The following CSMD2 variants were observed in gnomAD, a reference collection of about 807,000 sequenced individuals.
CSMD2 encodes the protein CUB and sushi domain-containing protein 2.
CSMD2 carries 130 observed loss-of-function variants against 398.5 expected under a neutral mutation model. The observed-to-expected ratio is 0.33, with a 90% CI of 0.28 to 0.38. The LOEUF (loss-of-function observed/expected upper bound fraction) is 0.38. Ranked by LOEUF, CSMD2 falls within the 10% of genes least tolerant of loss-of-function variation. The pLI, the probability that CSMD2 is intolerant of heterozygous loss-of-function variation, is 1.00. For synonymous variants in CSMD2, 1,828 were observed against 1,908.5 expected (o/e 0.96, Z 1.10); for missense variants, 3,829 against 4,764.9 (o/e 0.80, Z 5.78).
Position 33,820,565 on chromosome 1 carries a change from C to CAAAAAAAAAAAA in CSMD2, c.1112-21_1112-10dup, listed in dbSNP as rs753962666. On this transcript the variant is annotated splice_polypyrimidine_tract_variant and intron_variant, in intron 7 of 70. Coordinates refer to ENST00000373381, the MANE Select transcript of CSMD2 (RefSeq NM_001281956.2). ...CACACCAACCTGAGTTACTACAAGG[C>CAAAAAAAAAAAA]AAAAAAAAAAAAAAAAAAAAAAACA... 5.4e-5 allele frequency: 24 copies of CAAAAAAAAAAAA among 444,394 alleles called. No individual in the cohort carries two copies. The highest frequency in any genetic ancestry group is 2.8e-4 in the South Asian group (9 of 32,314). 27.5% of individuals were successfully genotyped at this position (444,394 alleles called of 1,614,324 possible).
At chr1:33,783,634 G>C (rs1468607013) in intron 12 of CSMD2, among the ~76,000 whole-genome samples, 1 of 152,158 alleles carries the variant, frequency 6.6e-6, no homozygotes, top group Non-Finnish European at 1.5e-5. Context: ...GTGCTGTTCT[G>C]CCTTCTCTAG....
intron 25 of CSMD2, among the ~76,000 whole-genome samples, chr1:33,663,406 C>A (rs1644205693): frequency 6.6e-6 from 1 of 152,056 alleles, no homozygotes; most frequent in Non-Finnish European, 1.5e-5. Context: ...AGCCCGCAGA[C>A]CTCTCCCTGA....
At chr1:34,013,121 G>A (rs1159880327) in intron 3 of CSMD2, among the ~76,000 whole-genome samples, 2 of 152,356 alleles carry the variant, frequency 1.3e-5, no homozygotes, top group South Asian at 2.1e-4. Context: ...TGAGATGGGA[G>A]CTGAGGGCAG....
intron 1 of CSMD2, among the ~76,000 whole-genome samples, chr1:34,089,860 A>C (rs993734286): frequency 3.3e-5 from 5 of 152,144 alleles, no homozygotes; most frequent in African/African-American, 1.2e-4. Flanking sequence ...TCTATCGTTA[A>C]GAAAAAAATT....
Position 33,766,754 on chromosome 1 carries a change from A to T in CSMD2, c.1846+5815T>A, listed in dbSNP as rs538053826. Reference sequence around the variant, plus strand: ...AGTGAAGCTAACAAAGTTTACAAGCAATATATATGTGACCTAAACGAGAAA... The same window carrying T: ...AGTGAAGCTAACAAAGTTTACAAGCTATATATATGTGACCTAAACGAGAAA... On this transcript the variant is annotated intron_variant, in intron 13 of 70. Transcript: ENST00000373381. Among the ~76,000 whole-genome samples, 11 of 152,358 alleles carry T rather than the reference A, an allele frequency of 7.2e-5. No homozygotes were observed. The South Asian group carries it at 2.1e-3, about 29-fold the overall frequency.
At chr1:33,854,128 C>T (rs977865694) in intron 5 of CSMD2, among the ~76,000 whole-genome samples, 16 of 152,194 alleles carry the variant, frequency 1.1e-4, no homozygotes, top group Non-Finnish European at 2.1e-4. Flanking sequence ...GGTGTATCAG[C>T]CCCTGGCTCA....
intron 37 of CSMD2, among the ~76,000 whole-genome samples, chr1:33,619,649 T>G (rs893486854): frequency 3.3e-5 from 5 of 152,198 alleles, no homozygotes; most frequent in African/African-American, 1.2e-4. Context: ...CCCAAACACC[T>G]GTCAAAACCA....
intron 5 of CSMD2, among the ~76,000 whole-genome samples, chr1:33,886,338 T>C (rs1570398220): frequency 6.6e-6 from 1 of 152,094 alleles, no homozygotes; most frequent in Admixed American, 6.5e-5. Context: ...GTGTTCCAGG[T>C]GTGAGAGCAC....
intron 2 of CSMD2, among the ~76,000 whole-genome samples, chr1:34,041,569 C>T (rs1342022211): frequency 6.6e-6 from 1 of 152,190 alleles, no homozygotes; most frequent in African/African-American, 2.4e-5. Context: ...TCAAGGCTCT[C>T]AAGCTGACCA....
chr1:34,040,284 C>T (rs892974606), intron 2 of CSMD2, among the ~76,000 whole-genome samples: 3 of 152,138 alleles, frequency 2.0e-5, no homozygotes, highest in South Asian at 2.1e-4. Context: ...GGCATACTTC[C>T]GGGAGAGCTC....
intron 26 of CSMD2, among the ~76,000 whole-genome samples, chr1:33,661,941 C>T (rs1338752412): frequency 6.6e-6 from 1 of 152,142 alleles, no homozygotes; most frequent in East Asian, 1.9e-4. Flanking sequence ...CCCTCCCTCC[C>T]ACCACACACA....
intron 3 of CSMD2, among the ~76,000 whole-genome samples, chr1:34,003,989 T>C (rs1055710354): frequency 1.3e-5 from 2 of 152,160 alleles, no homozygotes; most frequent in Admixed American, 6.5e-5. Flanking sequence ...CAAATCACAA[T>C]GCCTACCTGC....
chr1:34,102,658 A>ATATCCCTGTGATCCAGCCC (rs1660088828), intron 1 of CSMD2, among the ~76,000 whole-genome samples: 1 of 64,404 alleles, frequency 1.6e-5, no homozygotes, highest in African/African-American at 4.1e-5. Context: ...TAATCCAACC[A>ATATCCCTGTGATCCAGCCC]TATCCCTGTA....
intron 12 of CSMD2, among the ~76,000 whole-genome samples, chr1:33,776,009 G>A (rs1210993292): frequency 6.6e-6 from 1 of 152,216 alleles, no homozygotes; most frequent in Non-Finnish European, 1.5e-5. Context: ...ATACTGCCAG[G>A]ATTGTGTGTA....
chr1:33,654,435 G>T (rs772745452), intron 27 of CSMD2, among the ~76,000 whole-genome samples: 58 of 152,200 alleles, frequency 3.8e-4, no homozygotes, highest in Non-Finnish European at 7.9e-4. Flanking sequence ...AGTAGCCAGA[G>T]TAGAGGAGGC....
intron 3 of CSMD2, among the ~76,000 whole-genome samples, chr1:33,954,343 G>A (rs1645098509): frequency 6.6e-6 from 1 of 151,960 alleles, no homozygotes; most frequent in Non-Finnish European, 1.5e-5. Context: ...AACCTGTAGG[G>A]CCCAGGGTAA....
intron 6 of CSMD2, chr1:33,839,215 C>G (rs1321542412): frequency 6.6e-6 from 1 of 152,192 alleles, no homozygotes; most frequent in Non-Finnish European, 1.5e-5. Flanking sequence ...TTCTAGGATG[C>G]TTGGGATTTC....
chr1:33,820,469 C>G lies in CSMD2; in HGVS notation c.1199G>C (p.Arg400Thr). 1 of 1,604,894 alleles carries G rather than the reference C, an allele frequency of 6.2e-7. No individual in the cohort carries two copies. The stretch of plus-strand genomic sequence containing the variant: ...CAGAAAATTCCCAAATAGATCTTAC[C>G]TGAAATCCGAGCCTAGTCTTTTGCC... ...ERGKRLGSDF[R>T]LGSSVQFTCN... The change falls in exon 8 of 71, where the codon AGG becomes ACG. Residue 400 changes from arginine to threonine, a missense_variant and splice_region_variant. By Grantham distance (71) the Arg-to-Thr change is moderately conservative. This residue lies in a region of CSMD2 where 2,001 missense variants were observed against 2,567.1 expected (regional missense o/e 0.78). Coordinates refer to ENST00000373381, the MANE Select transcript of CSMD2 (RefSeq NM_001281956.2).
intron 13 of CSMD2, 87 bp downstream of exon 13, chr1:33,772,482 C>A: frequency 7.8e-7 from 1 of 1,277,258 alleles, no homozygotes; most frequent in Admixed American, 2.0e-5. Flanking sequence ...TGCAAGGTTC[C>A]CAGGGACGGG....
Sources: gnomAD v4.1 joint callset for allele counts (sites outside exome capture counted in the v4.1 genomes callset) on GRCh38, gnomAD v4.1.1 for gene constraint, gnomAD v4.1.1 regional missense constraint, MANE v1.5 for transcripts, NCBI Gene and HGNC (gene_info 2026-07-23, HGNC 2026-07-21) for gene names.